The following RPS6KC1 variants were observed in gnomAD, a reference collection of about 807,000 sequenced individuals.
RPS6KC1 encodes the protein inactive ribosomal protein S6 kinase delta-1.
Under a neutral mutation model 103.8 loss-of-function variants are expected in RPS6KC1, and 54 were observed. The observed-to-expected ratio is 0.52, with a 90% CI of 0.42 to 0.65. The LOEUF is 0.65. Ranked by LOEUF, RPS6KC1 falls within the 30% of genes least tolerant of loss-of-function variation. The probability of loss-of-function intolerance (pLI) is 0.00; values close to 1 mark genes in which losing one functional copy is unlikely to be tolerated. For synonymous variants in RPS6KC1, 439 were observed against 438.7 expected (o/e 1.00, Z -0.01); for missense variants, 1,151 against 1,253.8 (o/e 0.92, Z 1.24).
At chr1:213,235,830 A>G (rs2094209055) in intron 10 of RPS6KC1, among the ~76,000 whole-genome samples, 2 of 152,222 alleles carry the variant, frequency 1.3e-5, no homozygotes, top group Admixed American at 6.5e-5. Context: ...GATAGGGATC[A>G]TTGGCCTGCT....
chr1:213,791,371 C>G, the RPS6KC1 span, among the ~76,000 whole-genome samples: 215 of 152,070 alleles, frequency 1.4e-3, no homozygotes, highest in Non-Finnish European at 2.7e-3. Flanking sequence ...CTAACAAACT[C>G]GTTGTATTCC....
the RPS6KC1 span, among the ~76,000 whole-genome samples, chr1:213,594,177 C>T: frequency 6.6e-6 from 1 of 152,100 alleles, no homozygotes; most frequent in South Asian, 2.1e-4. Flanking sequence ...AAAATGGAAG[C>T]AATGGGTACT....
chr1:213,834,278 G>A, the RPS6KC1 span, among the ~76,000 whole-genome samples: 5 of 152,094 alleles, frequency 3.3e-5, no homozygotes, highest in African/African-American at 9.7e-5. Context: ...ACCCACCTTG[G>A]CCTCCCAAAG....
chr1:213,823,195 A>G, the RPS6KC1 span, among the ~76,000 whole-genome samples: 3 of 152,302 alleles, frequency 2.0e-5, no homozygotes, highest in Admixed American at 6.5e-5. Context: ...TTCATAGACC[A>G]TCCCATTATC....
chr1:213,322,583 A>G, the RPS6KC1 span, among the ~76,000 whole-genome samples: 2 of 152,136 alleles, frequency 1.3e-5, no homozygotes, highest in African/African-American at 4.8e-5. Context: ...TTATTATTTT[A>G]TAGTTCTTGA....
the RPS6KC1 span, among the ~76,000 whole-genome samples, chr1:213,668,416 C>CACCCCCA: frequency 9.4e-4 from 135 of 143,512 alleles, 3 homozygotes; most frequent in East Asian, 0.025. Flanking sequence ...CCCCCACCCC[C>CACCCCCA]ACCCCGAGGA....
At chr1:213,486,989 C>T in the RPS6KC1 span, among the ~76,000 whole-genome samples, 1 of 152,328 alleles carries the variant, frequency 6.6e-6, no homozygotes, top group East Asian at 1.9e-4. Flanking sequence ...CTAGCTACAT[C>T]TGGTCAATCA....
chr1:213,259,966 T>C (rs1160989316), intron 12 of RPS6KC1, among the ~76,000 whole-genome samples: 1 of 152,156 alleles, frequency 6.6e-6, no homozygotes, highest in East Asian at 1.9e-4. Flanking sequence ...CCTGAACCTC[T>C]GACCTCAGGT....
At chr1:213,282,693 G>A in the RPS6KC1 span, among the ~76,000 whole-genome samples, 1 of 152,202 alleles carries the variant, frequency 6.6e-6, no homozygotes, top group Non-Finnish European at 1.5e-5. Flanking sequence ...TGAGGCTCTG[G>A]AGCTTTTAAA....
In RPS6KC1 at chr1:213,216,437, G is replaced by A. The variant is rs7528736; in HGVS notation, c.1045-14060G>A. On this transcript the variant is annotated intron_variant, in intron 8 of 14. Coordinates refer to ENST00000366960, the MANE Select transcript of RPS6KC1 (RefSeq NM_012424.6). ...AATAATAATGGGAGACTTTAACACC[G>A]CACTGTCAACATTAGACAGATCAAC... 7.1e-4 allele frequency among the ~76,000 whole-genome samples: 107 copies of A among 151,110 alleles called. No individual in the cohort carries two copies. The East Asian group carries it at 0.017, about 24-fold the overall frequency.
chr1:213,756,953 A>G, the RPS6KC1 span, among the ~76,000 whole-genome samples: 8 of 152,282 alleles, frequency 5.3e-5, no homozygotes, highest in East Asian at 1.3e-3. Context: ...GTGATCTGCA[A>G]TCAGTGATCT....
In RPS6KC1 at chr1:213,208,137, C is replaced by G. The variant is rs1006626129; in HGVS notation, c.1045-22360C>G. On this transcript the variant is annotated intron_variant, in intron 8 of 14. Coordinates refer to ENST00000366960, the MANE Select transcript of RPS6KC1 (RefSeq NM_012424.6). Reference sequence around the variant, plus strand: ...ATGTATCTATCTCTGTCTCCCAACCCTCTGATGGAATTTTAAAATATCTCT... The same window carrying G: ...ATGTATCTATCTCTGTCTCCCAACCGTCTGATGGAATTTTAAAATATCTCT... 6.6e-5 allele frequency among the ~76,000 whole-genome samples: 10 copies of G among 152,298 alleles called. No homozygotes were observed. The East Asian group carries it at 1.7e-3, about 26-fold the overall frequency.
chr1:213,167,817 A>G, intron 6 of RPS6KC1, 41 bp from the exon 7 acceptor site: 1 of 1,330,876 alleles, frequency 7.5e-7, no homozygotes, highest in Non-Finnish European at 1.1e-6. Flanking sequence ...GGTTGAACTG[A>G]GGAAAATTTA....
the RPS6KC1 span, among the ~76,000 whole-genome samples, chr1:213,655,562 G>A: frequency 6.6e-6 from 1 of 152,170 alleles, no homozygotes; most frequent in Non-Finnish European, 1.5e-5. Flanking sequence ...AAGTTTACCT[G>A]ATGGAGAAGA....
At chr1:213,797,058 A>G in the RPS6KC1 span, among the ~76,000 whole-genome samples, 6,535 of 152,320 alleles carry the variant, frequency 0.043, 394 homozygotes, top group East Asian at 0.21. Context: ...CTAAGTATCA[A>G]ATTCAACCAG....
intron 6 of RPS6KC1, among the ~76,000 whole-genome samples, chr1:213,142,275 G>C (rs2149096174): frequency 6.6e-6 from 1 of 152,172 alleles, no homozygotes; most frequent in African/African-American, 2.4e-5. Flanking sequence ...TACTGCATGT[G>C]ACATGGGTCT....
At chr1:213,371,897 C>T in the RPS6KC1 span, among the ~76,000 whole-genome samples, 1 of 152,144 alleles carries the variant, frequency 6.6e-6, no homozygotes, top group Non-Finnish European at 1.5e-5. Context: ...CCAGAATGCC[C>T]ACTCCCTGCT....
the RPS6KC1 span, among the ~76,000 whole-genome samples, chr1:213,602,034 CTCTTTCTT>C: frequency 8.7e-5 from 1 of 11,488 alleles, no homozygotes; most frequent in African/African-American, 1.9e-4. Flanking sequence ...CTTTCTCTTT[CTCTTTCTT>C]TCTTTCTTTC....
intron 14 of RPS6KC1, among the ~76,000 whole-genome samples, chr1:213,270,392 A>G (rs1057167194): frequency 6.6e-6 from 1 of 152,242 alleles, no homozygotes; most frequent in Non-Finnish European, 1.5e-5. Flanking sequence ...TAGATGTGAT[A>G]CCAAAAGCAT....
Sources: gnomAD v4.1 joint callset for allele counts (sites outside exome capture counted in the v4.1 genomes callset) on GRCh38, gnomAD v4.1.1 for gene constraint, MANE v1.5 for transcripts, NCBI Gene and HGNC (gene_info 2026-07-23, HGNC 2026-07-21) for gene names.